Variants in UGP2 observed in about 807,000 individuals in gnomAD.
UGP2 encodes UDP-glucose pyrophosphorylase 2.
UGP2 carries 40 observed loss-of-function variants against 49.0 expected under a neutral mutation model. The ratio of observed to expected loss-of-function variants is 0.82; its 90% CI spans 0.63 to 1.06. The LOEUF (loss-of-function observed/expected upper bound fraction) is 1.06, where lower values mean the gene tolerates loss of function less well. Among genes scored for constraint, UGP2 ranks in the 50% least tolerant of loss-of-function variants. The pLI is 0.00. For missense variants in UGP2, 460 were observed against 603.5 expected (o/e 0.76, Z 2.49); for synonymous variants, 225 against 213.0 (o/e 1.06, Z -0.49).
Position 63,891,249 on chromosome 2 carries a change from T to TTAAA in UGP2, c.*26_*29dup, listed in dbSNP as rs1343093047. On this transcript the variant is annotated 3_prime_UTR_variant, in exon 10 of 10. Transcript: ENST00000337130. ...CTGAAATGAAAAATACTGTGGACACTTAAATAATGGGCTAGTTTCTTACAA... is the reference window on the plus strand; with the variant it reads ...CTGAAATGAAAAATACTGTGGACACTTAAATAAATAATGGGCTAGTTTCTTACAA... 2 of 1,573,436 alleles carry TTAAA rather than the reference T, an allele frequency of 1.3e-6. No individual in the cohort carries two copies. Among genetic ancestry groups the TTAAA allele is most frequent in the African/African-American group, 2.7e-5 (2 of 73,970 alleles).
intron 1 of UGP2, among the ~76,000 whole-genome samples, chr2:63,848,689 C>T (rs1668834817): frequency 6.6e-6 from 1 of 152,160 alleles, no homozygotes. Flanking sequence ...AATTCCACTG[C>T]CAGGCACGTG....
intron 3 of UGP2, 112 bp from the exon 4 acceptor site, chr2:63,882,354 T>G (rs1056676442): frequency 4.9e-6 from 5 of 1,026,148 alleles, no homozygotes; most frequent in Admixed American, 3.2e-5. Context: ...ATTAAAACTT[T>G]CCACAGAGAA....
chr2:63,844,360 A>G (rs561546477), intron 1 of UGP2, among the ~76,000 whole-genome samples: 3 of 152,214 alleles, frequency 2.0e-5, no homozygotes, highest in South Asian at 4.1e-4. Flanking sequence ...GAAAATATTG[A>G]TATTTCCAAT....
chr2:63,841,003 G>T (rs1416392362), upstream of UGP2: 1 of 152,324 alleles, frequency 6.6e-6, no homozygotes, highest in Non-Finnish European at 1.5e-5. Flanking sequence ...GAGGGGGAGG[G>T]GAGGTGTTTA....
Position 63,890,173 on chromosome 2 carries a change from T to C in UGP2, c.1407T>C (p.Asn469=), listed in dbSNP as rs754794123. The change falls in exon 9 of 10, where the codon AAT becomes AAC. Residue 469 remains asparagine, a synonymous_variant. Coordinates refer to ENST00000337130, the MANE Select transcript of UGP2 (RefSeq NM_006759.4). ...TVSGDVTFGK[N]VSLKGTVIII... ...CAGGAGATGTGACATTTGGAAAAAA[T>C]GTTTCATTAAAGGTATGTTGTTACA... is the stretch of plus-strand genomic sequence containing the variant. 4 of 1,609,854 alleles carry C rather than the reference T, an allele frequency of 2.5e-6. No individual in the cohort carries two copies. The highest frequency in any genetic ancestry group is 1.7e-5 in the Admixed American group (1 of 59,066).
intron 3 of UGP2, among the ~76,000 whole-genome samples, chr2:63,866,398 G>T (rs976142417): frequency 5.9e-5 from 9 of 152,178 alleles, no homozygotes; most frequent in African/African-American, 2.2e-4. Flanking sequence ...TACTTGTTCA[G>T]ATGTTCTAAA....
At chr2:63,843,227 G>A (rs1448907583) in intron 1 of UGP2, among the ~76,000 whole-genome samples, 5 of 152,146 alleles carry the variant, frequency 3.3e-5, no homozygotes, top group African/African-American at 1.2e-4. Context: ...GTAGATTAAA[G>A]TAAGAGAATT....
At chr2:63,871,624 T>C (rs1670561446) in intron 3 of UGP2, among the ~76,000 whole-genome samples, 1 of 152,244 alleles carries the variant, frequency 6.6e-6, no homozygotes, top group South Asian at 2.1e-4. Flanking sequence ...CTTTCTGTTG[T>C]TTTGAAAATT....
intron 5 of UGP2, among the ~76,000 whole-genome samples, chr2:63,884,318 A>G (rs1671514054): frequency 6.6e-6 from 1 of 152,206 alleles, no homozygotes; most frequent in African/African-American, 2.4e-5. Flanking sequence ...ACTCTGTTCC[A>G]TGTCCAGAAT....
Position 63,841,904 on chromosome 2 carries a change from C to A in UGP2, c.-282C>A. On this transcript the variant is annotated 5_prime_UTR_variant, in exon 1 of 10. Transcript: ENST00000337130. The stretch of plus-strand genomic sequence containing the variant: ...GTGGTTTTACCTTTTCCGGGAGTCT[C>A]CAGCTGGCCCTCATTTGTGTCCGGA... The A allele has an allele frequency of 2.6e-6, 1 of 388,976 alleles. No homozygotes were observed. Among genetic ancestry groups the A allele is most frequent in the African/African-American group, 2.1e-5 (1 of 48,454 alleles). The allele number at this position is 388,976 out of a possible 1,614,324, so 24.1% of individuals were successfully genotyped here.
At chr2:63,861,687 C>CAAAAAAAAA (rs34304544) in intron 3 of UGP2, among the ~76,000 whole-genome samples, 2 of 91,610 alleles carry the variant, frequency 2.2e-5, no homozygotes, top group Non-Finnish European at 4.2e-5. Context: ...GATCCTGTCT[C>CAAAAAAAAA]AAAAAAAAAA....
rs528966512 is a variant in UGP2 at position 63,884,993 on chromosome 2, CTTTTTTTTTT to C, written c.576-576_576-567del. 2.1e-3 allele frequency among the ~76,000 whole-genome samples: 48 copies of C among 23,154 alleles called. 2 individuals carry two copies. The East Asian group carries it at 0.11, about 53-fold the overall frequency. The allele number at this position is 23,154 out of a possible 152,430, so 15.2% of individuals were successfully genotyped here. On this transcript the variant is annotated intron_variant, in intron 5 of 9. Coordinates refer to ENST00000337130, the MANE Select transcript of UGP2 (RefSeq NM_006759.4). ...TTTTAAGATCTATTTCCCATGGTTA[CTTTTTTTTTT>C]TTTTTTTTTTTTTTTTTTTACTTTG...
At chr2:63,858,054 C>A in intron 3 of UGP2, 118 bp downstream of exon 3, 1 of 892,756 alleles carries the variant, frequency 1.1e-6, no homozygotes, top group Non-Finnish European at 1.7e-6. Flanking sequence ...ACAGGACTTG[C>A]TTTGAATTCT....
rs1671757841 is a variant in UGP2 at position 63,887,368 on chromosome 2, C to CT, written c.1072-33dup. ...ACTAAGTTGTAGGTGCCTAAAACCT[C>CT]TGTTTTCTATTCCCCACCCCTAATT... On this transcript the variant is annotated intron_variant, in intron 7 of 9. Coordinates refer to ENST00000337130, the MANE Select transcript of UGP2 (RefSeq NM_006759.4). The CT allele has an allele frequency of 2.5e-6, 4 of 1,611,916 alleles. No individual in the cohort carries two copies. In the East Asian group the frequency reaches 8.9e-5, roughly 36 times the overall value.
At chr2:63,855,496 T>G (rs1028258280) in intron 1 of UGP2, 5 of 419,480 alleles carry the variant, frequency 1.2e-5, no homozygotes, top group Non-Finnish European at 2.4e-5. Context: ...CCAAAGTGTT[T>G]GGGTCTGGGG....
chr2:63,842,068 A>G lies in UGP2; in HGVS notation c.-118A>G. ...TAAATACTCCCTTAAGTAGTTAAATATAGGAGGAGAAAGAATACATCGGTT... is the reference window on the plus strand; with the variant it reads ...TAAATACTCCCTTAAGTAGTTAAATGTAGGAGGAGAAAGAATACATCGGTT... On this transcript the variant is annotated 5_prime_UTR_variant, in exon 1 of 10. The change creates a new upstream start codon in the 5' untranslated region. Coordinates refer to ENST00000337130, the MANE Select transcript of UGP2 (RefSeq NM_006759.4). The G allele has an allele frequency of 2.4e-6, 3 of 1,273,314 alleles. No individual in the cohort carries two copies. The highest frequency in any genetic ancestry group is 2.9e-5 in the South Asian group (2 of 67,804). The allele number at this position is 1,273,314 out of a possible 1,614,324, so 78.9% of individuals were successfully genotyped here.
intron 3 of UGP2, among the ~76,000 whole-genome samples, chr2:63,863,123 A>G (rs1458933754): frequency 6.6e-6 from 1 of 152,224 alleles, no homozygotes; most frequent in Non-Finnish European, 1.5e-5. Context: ...AAGGTGATGA[A>G]TATACATAAC....
At chr2:63,878,668 C>T (rs1481880498) in intron 3 of UGP2, among the ~76,000 whole-genome samples, 1 of 152,148 alleles carries the variant, frequency 6.6e-6, no homozygotes, top group African/African-American at 2.4e-5. Flanking sequence ...TCAAGCAGTC[C>T]TCCCACTCCA....
chr2:63,849,135 C>T (rs1048897357), intron 1 of UGP2, among the ~76,000 whole-genome samples: 2 of 152,086 alleles, frequency 1.3e-5, no homozygotes, highest in South Asian at 2.1e-4. Flanking sequence ...TTTGTGATTT[C>T]GCTTGTGTCC....
Sources: allele counts gnomAD v4.1 joint callset (sites outside exome capture counted in the v4.1 genomes callset), GRCh38; gene constraint gnomAD v4.1.1; transcripts MANE v1.5; gene names NCBI Gene and HGNC (gene_info 2026-07-23, HGNC 2026-07-21).